The following EZR variants were observed in gnomAD, a reference collection of about 807,000 sequenced individuals.
The protein encoded by EZR is cytovillin 2.
In EZR, 40 loss-of-function variants were observed where a neutral mutation model predicts 74.8. The observed-to-expected ratio is 0.53, with a 90% CI of 0.42 to 0.70. The LOEUF (loss-of-function observed/expected upper bound fraction) is 0.70. Ranked by LOEUF, EZR falls within the 30% of genes least tolerant of loss-of-function variation. EZR has a pLI of 0.00. For synonymous variants in EZR, 341 were observed against 283.3 expected, an observed-to-expected ratio of 1.20 and a Z score of -2.05; for missense variants, 678 against 755.8, an observed-to-expected ratio of 0.90 and a Z score of 1.21.
intron 2 of EZR, among the ~76,000 whole-genome samples, chr6:158,801,721 C>T (rs1005998229): frequency 2.0e-5 from 3 of 152,182 alleles, no homozygotes; most frequent in South Asian, 2.1e-4. Flanking sequence ...CCCTGATAAC[C>T]ACTATAACCA....
Position 158,787,518 on chromosome 6 carries a change from C to T in EZR, c.97-315G>A, listed in dbSNP as rs181632583. Among the ~76,000 whole-genome samples, 18 of 152,248 alleles carry T rather than the reference C, an allele frequency of 1.2e-4. No homozygotes were observed. The East Asian group carries it at 2.9e-3, about 24-fold the overall frequency. ...CTCTCCTGCATGAAACTCAGCAGGGCGGGTTATGGCCAGCACACACAGAAC... is the reference window on the plus strand; with the variant it reads ...CTCTCCTGCATGAAACTCAGCAGGGTGGGTTATGGCCAGCACACACAGAAC... On this transcript the variant is annotated intron_variant, in intron 3 of 13. Transcript: ENST00000367075.
intron 2 of EZR, among the ~76,000 whole-genome samples, chr6:158,808,879 A>G (rs1358755936): frequency 1.3e-5 from 2 of 152,258 alleles, no homozygotes; most frequent in Non-Finnish European, 2.9e-5. Context: ...TATAATGCCA[A>G]CACTTTGAGA....
chr6:158,780,907 T>C (rs913769520), intron 7 of EZR, among the ~76,000 whole-genome samples: 4 of 152,284 alleles, frequency 2.6e-5, no homozygotes, highest in Admixed American at 6.5e-5. Flanking sequence ...AGATGACAAA[T>C]AGTCCTACAT....
At chr6:158,782,708 A>G (rs931957091) in intron 7 of EZR, among the ~76,000 whole-genome samples, 1 of 152,248 alleles carries the variant, frequency 6.6e-6, no homozygotes, top group African/African-American at 2.4e-5. Flanking sequence ...CAATCAGGGC[A>G]GAGACGGTAG....
chr6:158,786,410 C>T (rs1303451988), intron 4 of EZR, among the ~76,000 whole-genome samples: 1 of 152,164 alleles, frequency 6.6e-6, no homozygotes. Flanking sequence ...AGTACTATCA[C>T]ACTCTTGTGC....
chr6:158,766,005 T>A lies in EZR; in HGVS notation c.*909A>T, dbSNP rs1470188176. ...TGTGTGAATCTGACAAAATTAAAAG[T>A]GTGCATAGTCCATTACATGCATAAA... On this transcript the variant is annotated 3_prime_UTR_variant, in exon 14 of 14. Coordinates refer to ENST00000367075, the MANE Select transcript of EZR (RefSeq NM_001111077.2). 1 of 152,616 alleles carries A rather than the reference T, an allele frequency of 6.6e-6. No individual in the cohort carries two copies. Among genetic ancestry groups the A allele is most frequent in the Non-Finnish European group, 1.5e-5 (1 of 68,034 alleles). 9.5% of individuals were successfully genotyped at this position (152,616 alleles called of 1,614,324 possible). A position where few individuals can be genotyped will look rare whatever the true frequency, so the allele number is the denominator to read the frequency against.
intron 2 of EZR, among the ~76,000 whole-genome samples, chr6:158,817,658 T>C (rs2128578563): frequency 6.6e-6 from 1 of 152,312 alleles, no homozygotes; most frequent in South Asian, 2.1e-4. Context: ...CAGTTGGATC[T>C]GGGGCGCCTG....
intron 2 of EZR, among the ~76,000 whole-genome samples, chr6:158,804,167 G>A (rs2128575044): frequency 6.6e-6 from 1 of 151,468 alleles, no homozygotes; most frequent in South Asian, 2.1e-4. Flanking sequence ...GGCCCTTTTT[G>A]GTGAGTGTCT....
intron 2 of EZR, among the ~76,000 whole-genome samples, chr6:158,800,744 G>C (rs1031972361): frequency 1.3e-5 from 2 of 152,142 alleles, no homozygotes; most frequent in African/African-American, 4.8e-5. Flanking sequence ...GGAGGCTGCA[G>C]TGTGCCGAGA....
At chr6:158,809,252 G>T (rs151283186) in intron 2 of EZR, among the ~76,000 whole-genome samples, 1 of 152,212 alleles carries the variant, frequency 6.6e-6, no homozygotes, top group Admixed American at 6.5e-5. Flanking sequence ...ACTTTAGACA[G>T]GGTGTTCTGA....
intron 2 of EZR, among the ~76,000 whole-genome samples, chr6:158,803,608 T>C (rs867076483): frequency 1.3e-4 from 2 of 15,770 alleles, no homozygotes; most frequent in South Asian, 2.1e-3. Flanking sequence ...TATATATACA[T>C]ATATATATAT....
At chr6:158,767,622 ACTGTGCTGGG>A (rs1332666699) in intron 12 of EZR, 110 bp from the exon 13 acceptor site, 5 of 1,216,700 alleles carry the variant, frequency 4.1e-6, no homozygotes, top group Non-Finnish European at 4.6e-6. Context: ...GCAGCACTGA[ACTGTGCTGGG>A]CTGTGGCTTC....
chr6:158,796,278 A>G (rs950710117), intron 2 of EZR, among the ~76,000 whole-genome samples: 2 of 152,252 alleles, frequency 1.3e-5, no homozygotes, highest in African/African-American at 4.8e-5. Context: ...TACCACTCCA[A>G]TGCAACCGAC....
intron 8 of EZR, among the ~76,000 whole-genome samples, chr6:158,775,880 A>C (rs1791263150): frequency 6.6e-6 from 1 of 152,244 alleles, no homozygotes; most frequent in Non-Finnish European, 1.5e-5. Context: ...CCTTCTTACC[A>C]TGTCCTCCCA....
At chr6:158,776,609 T>C in intron 7 of EZR, 105 bp from the exon 8 acceptor site, 1 of 793,542 alleles carries the variant, frequency 1.3e-6, no homozygotes, top group Non-Finnish European at 2.0e-6. Flanking sequence ...TAAAATAATA[T>C]GAAGCTAACC....
intron 2 of EZR, 171 bp downstream of exon 2, chr6:158,817,911 A>G (rs1583595213): frequency 3.9e-6 from 2 of 515,958 alleles, no homozygotes; most frequent in East Asian, 3.1e-5. Context: ...AACGCTCCAC[A>G]AAAGGGTCAA....
At chr6:158,808,905 A>C (rs1037874465) in intron 2 of EZR, among the ~76,000 whole-genome samples, 21 of 152,330 alleles carry the variant, frequency 1.4e-4, no homozygotes, top group African/African-American at 4.8e-4. Flanking sequence ...AGGCAGGAGG[A>C]TGGCTTGAGG....
intron 2 of EZR, among the ~76,000 whole-genome samples, chr6:158,815,213 T>C (rs982742733): frequency 2.6e-5 from 4 of 152,172 alleles, no homozygotes; most frequent in Non-Finnish European, 5.9e-5. Context: ...CATTTTAACA[T>C]TTACTAAGGC....
chr6:158,810,460 G>C (rs1181561022), intron 2 of EZR, among the ~76,000 whole-genome samples: 1 of 152,084 alleles, frequency 6.6e-6, no homozygotes, highest in African/African-American at 2.4e-5. Flanking sequence ...TTACATATCT[G>C]CTTTCACTAG....
Sources: gnomAD v4.1 joint callset for allele counts (sites outside exome capture counted in the v4.1 genomes callset) on GRCh38, gnomAD v4.1.1 for gene constraint, MANE v1.5 for transcripts, NCBI Gene and HGNC (gene_info 2026-07-23, HGNC 2026-07-21) for gene names.